Variants in NUF2 observed in about 807,000 individuals in gnomAD.
The protein encoded by NUF2 is NUF2 component of NDC80 kinetochore complex.
A neutral mutation model predicts 61.8 loss-of-function variants in NUF2; 34 were observed. The ratio of observed to expected loss-of-function variants is 0.55; its 90% CI spans 0.42 to 0.73. The LOEUF (loss-of-function observed/expected upper bound fraction) is 0.73, where lower values mean the gene tolerates loss of function less well. NUF2 is among the 30% of genes least tolerant of loss of function. The probability of loss-of-function intolerance (pLI) is 0.00; values close to 1 mark genes in which losing one functional copy is unlikely to be tolerated. For missense variants in NUF2, 445 were observed against 539.1 expected (o/e 0.83, Z 1.73); for synonymous variants, 172 against 181.6 (o/e 0.95, Z 0.42).
chr1:163,338,150 T>TA, intron 7 of NUF2, 57 bp downstream of exon 7: 2 of 1,365,594 alleles, frequency 1.5e-6, no homozygotes, highest in Non-Finnish European at 2.1e-6. Flanking sequence ...AAATGAATTG[T>TA]AAGTAGTATT....
At chr1:163,351,603 G>A (rs1489263935) in intron 13 of NUF2, among the ~76,000 whole-genome samples, 2 of 152,042 alleles carry the variant, frequency 1.3e-5, no homozygotes, top group African/African-American at 2.4e-5. Context: ...TTTCATCCTA[G>A]AGGCGTAGAA....
rs527846996 is a variant in NUF2, at chr1:163,328,443, C to T, written c.275+139C>T. 1.8e-5 allele frequency: 10 copies of T among 546,624 alleles called. No homozygotes were observed. In the South Asian group the frequency reaches 2.5e-4, roughly 14 times the overall value. The allele number at this position is 546,624 out of a possible 1,614,324, so 33.9% of individuals were successfully genotyped here. On this transcript the variant is annotated intron_variant, in intron 4 of 13. Coordinates refer to ENST00000271452, the MANE Select transcript of NUF2 (RefSeq NM_145697.3). ...TTCATCCCATATACATTCATTCAAA[C>T]TTTCAAAATTGTAGACTGTCATCAA...
chr1:163,336,663 C>A lies in NUF2; in HGVS notation c.338-88C>A, dbSNP rs1300530751. On this transcript the variant is annotated intron_variant, in intron 5 of 13. Coordinates refer to ENST00000271452, the MANE Select transcript of NUF2 (RefSeq NM_145697.3). ...ACAGTTTTATTTTATATATTATGAG[C>A]AGAATATATAGTGGAAGAGGATGAA... 3 of 774,028 alleles carry A rather than the reference C, an allele frequency of 3.9e-6. No individual in the cohort carries two copies. In the African/African-American group the frequency reaches 5.3e-5, roughly 14 times the overall value. The allele number at this position is 774,028 out of a possible 1,614,324, so 47.9% of individuals were successfully genotyped here.
chr1:163,328,395 A>ACATAGTAGGTATTCCT, intron 4 of NUF2, 91 bp downstream of exon 4: 1 of 751,580 alleles, frequency 1.3e-6, no homozygotes, highest in Non-Finnish European at 2.2e-6. Context: ...TTGGTAAGGA[A>ACATAGTAGGTATTCCT]TACCTACTAT....
chr1:163,341,361 C>T (rs181694133), intron 9 of NUF2, among the ~76,000 whole-genome samples: 377 of 152,102 alleles, frequency 2.5e-3, no homozygotes, highest in African/African-American at 8.8e-3. Flanking sequence ...AGGCTTGTGC[C>T]GCCACACCCA....
chr1:163,354,117 G>A (rs192651470), intron 13 of NUF2, among the ~76,000 whole-genome samples: 25 of 152,082 alleles, frequency 1.6e-4, no homozygotes, highest in African/African-American at 5.1e-4. Flanking sequence ...TTATAATGGC[G>A]TTCACACAAG....
At chr1:163,339,325 C>T (rs1650863510) in intron 7 of NUF2, 56 bp from the exon 8 acceptor site, 2 of 1,034,040 alleles carry the variant, frequency 1.9e-6, no homozygotes, top group Admixed American at 2.0e-5. Flanking sequence ...ACAGGTATTT[C>T]ATTTTAGCCT....
intron 1 of NUF2, among the ~76,000 whole-genome samples, chr1:163,323,576 C>T (rs534756213): frequency 5.9e-5 from 9 of 152,056 alleles, no homozygotes; most frequent in South Asian, 2.1e-4. Context: ...ATTAACAGGG[C>T]GTGGTAGTGT....
In NUF2 at chr1:163,340,357, C is replaced by T. The variant is rs766559681; in HGVS notation, c.607-7C>T. 1 of 1,605,750 alleles carries T rather than the reference C, an allele frequency of 6.2e-7. No individual in the cohort carries two copies. Among genetic ancestry groups the T allele is most frequent in the Non-Finnish European group, 8.5e-7 (1 of 1,174,896 alleles). On this transcript the variant is annotated splice_region_variant and splice_polypyrimidine_tract_variant and intron_variant, in intron 8 of 13. Coordinates refer to ENST00000271452, the MANE Select transcript of NUF2 (RefSeq NM_145697.3). ...TCATTATAAAACGTGTTTGCTTTTTCCCTTAGATAGTGCTGCAAGAGGGAA... is the reference window on the plus strand; with the variant it reads ...TCATTATAAAACGTGTTTGCTTTTTTCCTTAGATAGTGCTGCAAGAGGGAA...
chr1:163,343,007 G>C (rs1650996867), intron 9 of NUF2, among the ~76,000 whole-genome samples: 1 of 152,140 alleles, frequency 6.6e-6, no homozygotes. Context: ...AAATATCTGA[G>C]AAGAAAATTC....
intron 8 of NUF2, among the ~76,000 whole-genome samples, chr1:163,339,991 A>G (rs1650886812): frequency 6.6e-6 from 1 of 152,168 alleles, no homozygotes; most frequent in Non-Finnish European, 1.5e-5. Flanking sequence ...GAATGTCTAT[A>G]TCCAATCTGA....
intron 9 of NUF2, among the ~76,000 whole-genome samples, chr1:163,341,946 A>G (rs186545029): frequency 7.7e-4 from 117 of 152,174 alleles, no homozygotes; most frequent in Admixed American, 2.3e-3. Context: ...TTATTTTTCA[A>G]GAAACTCCAT....
At chr1:163,327,018 A>G (rs939091573) in intron 2 of NUF2, among the ~76,000 whole-genome samples, 1 of 152,020 alleles carries the variant, frequency 6.6e-6, no homozygotes, top group African/African-American at 2.4e-5. Flanking sequence ...TTACATTTAT[A>G]CCTCCTGATC....
At position 163,336,767 on chromosome 1, in the gene NUF2, T is replaced by C. The variant is rs1650772437; in HGVS notation, c.354T>C (p.Ser118=). ...CTATTTTAGAAGCAAAACGGACAAG[T>C]CGGTTTTTAAGTGGCATTATCAACT... ...DILCPKAKRT[S]RFLSGIINFI... The change falls in exon 6 of 14, where the codon AGT becomes AGC. Residue 118 remains serine (S), a synonymous_variant. Coordinates refer to ENST00000271452, the MANE Select transcript of NUF2 (RefSeq NM_145697.3). 6.2e-7 allele frequency: 1 copy of C among 1,611,440 alleles called. No homozygotes were observed. The highest frequency in any genetic ancestry group is 1.1e-5 in the South Asian group (1 of 91,012).
intron 13 of NUF2, among the ~76,000 whole-genome samples, chr1:163,351,147 A>G (rs1416248210): frequency 6.6e-6 from 1 of 152,042 alleles, no homozygotes; most frequent in East Asian, 1.9e-4. Context: ...TCTGTTTCCT[A>G]TTTGTCATTA....
At chr1:163,333,347 T>G (rs573310619) in intron 5 of NUF2, among the ~76,000 whole-genome samples, 2 of 152,254 alleles carry the variant, frequency 1.3e-5, no homozygotes, top group South Asian at 4.1e-4. Context: ...GTCTTGCTTT[T>G]TAAATTCAAC....
intron 10 of NUF2, among the ~76,000 whole-genome samples, chr1:163,344,812 T>C (rs2101685441): frequency 6.6e-6 from 1 of 151,836 alleles, no homozygotes; most frequent in African/African-American, 2.4e-5. Flanking sequence ...AACCCAGAAA[T>C]AGATTTGAGT....
intron 13 of NUF2, among the ~76,000 whole-genome samples, chr1:163,353,204 A>G (rs970700123): frequency 6.6e-6 from 1 of 152,178 alleles, no homozygotes; most frequent in African/African-American, 2.4e-5. Flanking sequence ...GGTGTCTTTC[A>G]TTGTACTATT....
chr1:163,328,286 G>T lies in NUF2; in HGVS notation c.257G>T (p.Ser86Ile). 6.2e-7 allele frequency: 1 copy of T among 1,602,860 alleles called. No individual in the cohort carries two copies. The highest frequency in any genetic ancestry group is 1.1e-5 in the South Asian group (1 of 89,552). The stretch of plus-strand genomic sequence containing the variant: ...TTAATGGAAGGCTTCTTACCATTCA[G>T]CAATTTAGTTACTCATCTGTGAGTA... The part of the protein sequence containing the change: ...PHLMEGFLPF[S>I]NLVTHLDSFL... The change falls in exon 4 of 14, where the codon AGC (serine) becomes ATC (isoleucine). Residue 86 changes from serine to isoleucine, a missense_variant. Transcript: ENST00000271452.
Sources: gnomAD v4.1 joint callset for allele counts (sites outside exome capture counted in the v4.1 genomes callset) on GRCh38, gnomAD v4.1.1 for gene constraint, MANE v1.5 for transcripts, NCBI Gene and HGNC (gene_info 2026-07-23, HGNC 2026-07-21) for gene names.